Variants in CABP1 observed in about 807,000 individuals in gnomAD.
CABP1 encodes the protein calcium binding protein 1, also known as calcium-binding protein 1.
A neutral mutation model predicts 34.3 loss-of-function variants in CABP1; 17 were observed. The ratio of observed to expected loss-of-function variants is 0.50; its 90% CI spans 0.34 to 0.74. The LOEUF is 0.74. CABP1 is among the 30% of genes least tolerant of loss of function. The pLI is 0.01. For synonymous variants in CABP1, 198 were observed against 229.2 expected, an observed-to-expected ratio of 0.86 and a Z score of 1.23; for missense variants, 373 against 511.1, an observed-to-expected ratio of 0.73 and a Z score of 2.61.
intron 5 of CABP1, among the ~76,000 whole-genome samples, chr12:120,664,360 G>C (rs1331641127): frequency 1.3e-5 from 2 of 152,176 alleles, no homozygotes; most frequent in Non-Finnish European, 2.9e-5. Flanking sequence ...TAAATAATTA[G>C]AGCCCCCCAA....
At chr12:120,646,093 T>A (rs1364337342) in intron 1 of CABP1, among the ~76,000 whole-genome samples, 1 of 152,154 alleles carries the variant, frequency 6.6e-6, no homozygotes, top group African/African-American at 2.4e-5. Context: ...GTGCTGAGAA[T>A]TGTGGTCTGC....
At chr12:120,670,494 T>C (rs977156337), downstream of CABP1, among the ~76,000 whole-genome samples, 2 of 151,408 alleles carry the variant, frequency 1.3e-5, no homozygotes, top group Non-Finnish European at 1.5e-5. Context: ...ATACCTGTAA[T>C]CCCAGCACTT....
At chr12:120,655,427 C>CCA in intron 1 of CABP1, 13 of 527,872 alleles carry the variant, frequency 2.5e-5, no homozygotes, top group Non-Finnish European at 3.2e-5. Flanking sequence ...AGTGCACTAG[C>CCA]CACACACGAA....
At chr12:120,652,069 T>G (rs1050844568) in intron 1 of CABP1, among the ~76,000 whole-genome samples, 1 of 152,226 alleles carries the variant, frequency 6.6e-6, no homozygotes, top group Non-Finnish European at 1.5e-5. Flanking sequence ...TTAGACAGAT[T>G]ACTTAACCTC....
At chr12:120,669,596 A>T (rs1191253995), downstream of CABP1, among the ~76,000 whole-genome samples, 1 of 152,242 alleles carries the variant, frequency 6.6e-6, no homozygotes, top group Non-Finnish European at 1.5e-5. Context: ...TGTACTAAAA[A>T]TACAAAAATT....
rs745383666 is a variant in CABP1 at position 120,641,321 on chromosome 12, C to G, written c.636C>G (p.Leu212=). The change falls in exon 1 of 6, where the codon CTC becomes CTG. Residue 212 remains leucine, a synonymous_variant. Coordinates refer to ENST00000316803, the MANE Select transcript of CABP1 (RefSeq NM_001033677.2). The surrounding 1 kb of genome is among the most constrained non-coding windows in gnomAD (Gnocchi z 6.7). The part of the protein sequence containing the change: ...DPFLHRLRPM[L]SSAFGQDRSL... Reference sequence around the variant, plus strand: ...TCCTCCACCGGCTGCGCCCCATGCTCAGCTCCGCCTTTGGCCAGGTAAGGG... The same window carrying G: ...TCCTCCACCGGCTGCGCCCCATGCTGAGCTCCGCCTTTGGCCAGGTAAGGG... 11 of 1,324,708 alleles carry G rather than the reference C, an allele frequency of 8.3e-6. No homozygotes were observed. The highest frequency in any genetic ancestry group is 1.1e-5 in the Non-Finnish European group (11 of 1,039,060). The allele number at this position is 1,324,708 out of a possible 1,614,324, so 82.1% of individuals were successfully genotyped here.
At chr12:120,666,172 T>C (rs984448386) in intron 5 of CABP1, among the ~76,000 whole-genome samples, 1 of 129,404 alleles carries the variant, frequency 7.7e-6, no homozygotes, top group African/African-American at 3.1e-5. Context: ...CACTTCAGCG[T>C]GGGCGACAGA....
At chr12:120,652,246 T>C (rs1194134981) in intron 1 of CABP1, among the ~76,000 whole-genome samples, 1 of 152,228 alleles carries the variant, frequency 6.6e-6, no homozygotes, top group African/African-American at 2.4e-5. Context: ...ACTCTGGGTT[T>C]TAGAGAAGCG....
intron 1 of CABP1, among the ~76,000 whole-genome samples, chr12:120,645,784 G>A (rs1287906348): frequency 1.3e-5 from 2 of 152,152 alleles, no homozygotes; most frequent in Admixed American, 1.3e-4. Context: ...AGCTGAGATT[G>A]TGCCTCTGCA....
At chr12:120,655,050 T>G (rs1187032639) in intron 1 of CABP1, among the ~76,000 whole-genome samples, 2 of 152,224 alleles carry the variant, frequency 1.3e-5, no homozygotes, top group Admixed American at 1.3e-4. Context: ...TACCTACAGA[T>G]GTGCCTTGTG....
In CABP1 at chr12:120,660,937, G is replaced by T; in HGVS notation, c.939+97G>T. ...AGCCTGAGCCTCAAGTCCCAGATCA[G>T]GGGAGGGAGCTTGGACAGAGAAAGG... On this transcript the variant is annotated intron_variant, in intron 4 of 5. Coordinates refer to ENST00000316803, the MANE Select transcript of CABP1 (RefSeq NM_001033677.2). This position sits in a 1 kb window ranked among gnomAD's most constrained non-coding sequence, Gnocchi z 5.0. 7.2e-7 allele frequency: 1 copy of T among 1,388,848 alleles called. No individual in the cohort carries two copies. Among genetic ancestry groups the T allele is most frequent in the Non-Finnish European group, 1.0e-6 (1 of 986,286 alleles). 86.0% of individuals were successfully genotyped at this position (1,388,848 alleles called of 1,614,324 possible). A position where few individuals can be genotyped will look rare whatever the true frequency, so the allele number is the denominator to read the frequency against.
chr12:120,672,867 T>C, the CABP1 span, among the ~76,000 whole-genome samples: 1 of 151,610 alleles, frequency 6.6e-6, no homozygotes, highest in Non-Finnish European at 1.5e-5. Context: ...CCGTCTCTAC[T>C]AAAAACACAA....
At chr12:120,658,765 G>A (rs964472261) in intron 1 of CABP1, among the ~76,000 whole-genome samples, 2 of 152,206 alleles carry the variant, frequency 1.3e-5, no homozygotes, top group Non-Finnish European at 2.9e-5. Context: ...GCATGCCTGC[G>A]TGTCTGTGTT....
chr12:120,666,089 T>C (rs2137377093), intron 5 of CABP1, among the ~76,000 whole-genome samples: 1 of 150,384 alleles, frequency 6.6e-6, no homozygotes, highest in East Asian at 2.0e-4. Flanking sequence ...TCCCAGCACT[T>C]TGGGAGGCCA....
chr12:120,645,024 C>G (rs1478636312), intron 1 of CABP1, among the ~76,000 whole-genome samples: 1 of 152,156 alleles, frequency 6.6e-6, no homozygotes, highest in Non-Finnish European at 1.5e-5. Context: ...AGGCTGGTCT[C>G]GAACTCCTGA....
intron 1 of CABP1, among the ~76,000 whole-genome samples, chr12:120,649,005 G>A (rs1442586411): frequency 1.3e-5 from 2 of 151,916 alleles, no homozygotes; most frequent in South Asian, 2.1e-4. Flanking sequence ...CAGGAGACAC[G>A]CATCATCACC....
chr12:120,653,253 CACTATG>C lies in CABP1; in HGVS notation c.655-6624_655-6619del, dbSNP rs1217679148. Among the ~76,000 whole-genome samples, 9 of 152,308 alleles carry C rather than the reference CACTATG, an allele frequency of 5.9e-5. No homozygotes were observed. In the East Asian group the frequency reaches 1.5e-3, roughly 26 times the overall value. ...CCATCATCATCGCCATCATTGCCAT[CACTATG>C]GCAACTCTATTTATTCACCTCCTCT... On this transcript the variant is annotated intron_variant, in intron 1 of 5. Coordinates refer to ENST00000316803, the MANE Select transcript of CABP1 (RefSeq NM_001033677.2).
At chr12:120,668,544 G>A (rs1323409686), downstream of CABP1, among the ~76,000 whole-genome samples, 1 of 152,184 alleles carries the variant, frequency 6.6e-6, no homozygotes, top group Non-Finnish European at 1.5e-5. Flanking sequence ...TTTGCTTGCT[G>A]TGTGACTTAG....
the CABP1 span, among the ~76,000 whole-genome samples, chr12:120,679,426 G>A: frequency 1.8e-3 from 268 of 152,316 alleles, no homozygotes; most frequent in African/African-American, 6.0e-3. Flanking sequence ...GTTTTCCAAC[G>A]TTTTGAGGTC....
Sources: gnomAD v4.1 joint callset for allele counts (sites outside exome capture counted in the v4.1 genomes callset) on GRCh38, gnomAD v4.1.1 for gene constraint, Gnocchi (gnomAD v3.1) non-coding constraint, MANE v1.5 for transcripts, NCBI Gene and HGNC (gene_info 2026-07-23, HGNC 2026-07-21) for gene names.